The following MYO3B variants were observed in gnomAD, a reference collection of about 807,000 sequenced individuals.
MYO3B encodes the protein myosin-IIIb.
MYO3B carries 156 observed loss-of-function variants against 174.6 expected under a neutral mutation model. The ratio of observed to expected loss-of-function variants is 0.89; its 90% CI spans 0.78 to 1.02. The LOEUF (loss-of-function observed/expected upper bound fraction) is 1.02, where lower values mean the gene tolerates loss of function less well. Ranked by LOEUF, MYO3B falls within the 50% of genes least tolerant of loss-of-function variation. The pLI is 0.00. For missense variants in MYO3B, 1,632 were observed against 1,639.4 expected (o/e 1.00, Z 0.08); for synonymous variants, 563 against 569.1 (o/e 0.99, Z 0.15).
At chr2:170,183,954 A>G (rs1037351421) in intron 1 of MYO3B, among the ~76,000 whole-genome samples, 27 of 152,248 alleles carry the variant, frequency 1.8e-4, no homozygotes, top group African/African-American at 6.3e-4. Flanking sequence ...ATACTTTGAT[A>G]TATTAATGGG....
At chr2:170,529,933 C>A (rs1282505039) in intron 30 of MYO3B, among the ~76,000 whole-genome samples, 3 of 152,204 alleles carry the variant, frequency 2.0e-5, no homozygotes, top group Non-Finnish European at 4.4e-5. Flanking sequence ...AATGGTGTTT[C>A]AGTTCCAAGT....
chr2:170,198,493 GAAGA>G (rs1249866806), intron 1 of MYO3B, among the ~76,000 whole-genome samples: 4 of 152,148 alleles, frequency 2.6e-5, no homozygotes, highest in African/African-American at 7.2e-5. Flanking sequence ...TGGACTAGAA[GAAGA>G]AAGTCATTTG....
intron 30 of MYO3B, among the ~76,000 whole-genome samples, chr2:170,535,169 T>C (rs974917923): frequency 2.0e-5 from 3 of 152,230 alleles, no homozygotes; most frequent in African/African-American, 7.2e-5. Flanking sequence ...CTATTGGATC[T>C]CCTCTGCTGT....
chr2:170,490,529 A>ATT (rs554826924), intron 25 of MYO3B, among the ~76,000 whole-genome samples: 70 of 145,318 alleles, frequency 4.8e-4, no homozygotes, highest in African/African-American at 1.7e-3. Context: ...CATGGATGTT[A>ATT]TTTTTTTTTT....
At chr2:170,248,873 G>T (rs1057328681) in intron 7 of MYO3B, among the ~76,000 whole-genome samples, 1 of 152,144 alleles carries the variant, frequency 6.6e-6, no homozygotes, top group Non-Finnish European at 1.5e-5. Context: ...ATTAGGACAC[G>T]GACATCTTTA....
At chr2:170,234,681 A>G (rs952068378) in intron 6 of MYO3B, among the ~76,000 whole-genome samples, 1 of 152,092 alleles carries the variant, frequency 6.6e-6, no homozygotes, top group Non-Finnish European at 1.5e-5. Flanking sequence ...TCCACTCTTC[A>G]CCCCAAACCT....
chr2:170,178,360 A>C, intron 1 of MYO3B, 71 bp downstream of exon 1: 13 of 1,580,438 alleles, frequency 8.2e-6, no homozygotes, highest in African/African-American at 1.3e-5. Flanking sequence ...CAAAGGGCAG[A>C]TGCAGCTGCC....
chr2:170,199,050 G>C (rs75679552), intron 1 of MYO3B, among the ~76,000 whole-genome samples, 158 bp from the exon 2 acceptor site: 5 of 152,028 alleles, frequency 3.3e-5, no homozygotes, highest in Non-Finnish European at 7.4e-5. Flanking sequence ...TCTTAAGGAG[G>C]GTCCAAGTTC....
chr2:170,525,527 T>C (rs1050123525), intron 30 of MYO3B, among the ~76,000 whole-genome samples: 1 of 152,178 alleles, frequency 6.6e-6, no homozygotes, highest in African/African-American at 2.4e-5. Context: ...GGCAGGAGAT[T>C]GATAATGCTG....
At chr2:170,434,467 C>T (rs2094736023) in intron 22 of MYO3B, among the ~76,000 whole-genome samples, 1 of 152,160 alleles carries the variant, frequency 6.6e-6, no homozygotes, top group East Asian at 1.9e-4. Flanking sequence ...TCCTGACGCA[C>T]GTGGCCCCTG....
intron 32 of MYO3B, among the ~76,000 whole-genome samples, chr2:170,646,292 A>G (rs1168060796): frequency 6.6e-6 from 1 of 150,718 alleles, no homozygotes; most frequent in Admixed American, 6.6e-5. Context: ...AAAAAGTGTT[A>G]TGTCTGTCTG....
At position 170,248,358 on chromosome 2, in the gene MYO3B, A is replaced by G. The variant is rs1356766949; in HGVS notation, c.749+12222A>G. 2.0e-5 allele frequency among the ~76,000 whole-genome samples: 3 copies of G among 152,290 alleles called. No homozygotes were observed. The East Asian group carries it at 5.8e-4, about 29-fold the overall frequency. ...ATATTTATGTGGTTCTGATGTCTTC[A>G]GGCTCAGTCCCATACTAGCAAGATC... is the stretch of plus-strand genomic sequence containing the variant. On this transcript the variant is annotated intron_variant, in intron 7 of 34. Coordinates refer to ENST00000408978, the MANE Select transcript of MYO3B (RefSeq NM_138995.5).
intron 32 of MYO3B, among the ~76,000 whole-genome samples, chr2:170,627,251 T>C (rs1446702296): frequency 6.6e-6 from 1 of 152,164 alleles, no homozygotes; most frequent in African/African-American, 2.4e-5. Context: ...TGTTCGTTTC[T>C]TTTTATTCTT....
At chr2:170,270,273 A>C (rs2093416358) in intron 7 of MYO3B, among the ~76,000 whole-genome samples, 1 of 152,202 alleles carries the variant, frequency 6.6e-6, no homozygotes, top group Admixed American at 6.5e-5. Flanking sequence ...GAAGAGTGCA[A>C]ACCCATTCTG....
intron 22 of MYO3B, among the ~76,000 whole-genome samples, chr2:170,442,497 CTT>C (rs34632756): frequency 0.43 from 58,436 of 136,700 alleles, 12,088 homozygotes; most frequent in East Asian, 0.57. Context: ...AGGAGGTGTT[CTT>C]TTTTTTTTTT....
chr2:170,287,517 A>G (rs1227216699), intron 7 of MYO3B, among the ~76,000 whole-genome samples: 1 of 151,484 alleles, frequency 6.6e-6, no homozygotes, highest in Non-Finnish European at 1.5e-5. Flanking sequence ...CTTCTTGGCC[A>G]TTTGTATGTC....
intron 7 of MYO3B, among the ~76,000 whole-genome samples, chr2:170,251,520 A>G (rs1221721098): frequency 6.6e-6 from 1 of 152,236 alleles, no homozygotes; most frequent in Non-Finnish European, 1.5e-5. Context: ...GAATGAAGTC[A>G]TCAGGGTGGA....
At chr2:170,395,552 T>C (rs1158304147) in intron 16 of MYO3B, among the ~76,000 whole-genome samples, 2 of 152,130 alleles carry the variant, frequency 1.3e-5, no homozygotes, top group Non-Finnish European at 2.9e-5. Flanking sequence ...AAGGATTATA[T>C]GTGAAAATAT....
intron 28 of MYO3B, among the ~76,000 whole-genome samples, chr2:170,504,556 A>G (rs534178628): frequency 6.6e-6 from 1 of 152,290 alleles, no homozygotes; most frequent in East Asian, 1.9e-4. Flanking sequence ...CATGCTGTCA[A>G]CCTTTTTCAT....
Sources: allele counts gnomAD v4.1 joint callset (sites outside exome capture counted in the v4.1 genomes callset), GRCh38; gene constraint gnomAD v4.1.1; transcripts MANE v1.5; gene names NCBI Gene and HGNC (gene_info 2026-07-23, HGNC 2026-07-21).